The following NCAM2 variants were observed in gnomAD, a reference collection of about 807,000 sequenced individuals.
NCAM2 encodes N-CAM-2.
In NCAM2, 30 loss-of-function variants were observed where a neutral mutation model predicts 98.1. The ratio of observed to expected loss-of-function variants is 0.31; its 90% CI spans 0.23 to 0.41. The LOEUF (loss-of-function observed/expected upper bound fraction) is 0.41. Ranked by LOEUF, NCAM2 falls within the 10% of genes least tolerant of loss-of-function variation. NCAM2 has a pLI of 1.00. For synonymous variants in NCAM2, 368 were observed against 342.4 expected (o/e 1.07, Z -0.83); for missense variants, 867 against 1,005.8 (o/e 0.86, Z 1.87).
At chr21:21,012,390 G>T (rs1419786019) in intron 1 of NCAM2, among the ~76,000 whole-genome samples, 1 of 152,110 alleles carries the variant, frequency 6.6e-6, no homozygotes, top group Admixed American at 6.5e-5. Flanking sequence ...CCGTCAGTCT[G>T]TGGATGACTT....
rs888231824 is a variant in NCAM2 at position 21,054,377 on chromosome 21, C to T, written c.55+55759C>T. On this transcript the variant is annotated intron_variant, in intron 1 of 17. Transcript: ENST00000400546. ...TTCAGTTTGTAAATCTTACTGCTAA[C>T]GTACTCCTGTGGTCTAACAGATCAG... Among the ~76,000 whole-genome samples, 3 of 152,066 alleles carry T rather than the reference C, an allele frequency of 2.0e-5. No individual in the cohort carries two copies. The South Asian group carries it at 6.2e-4, about 31-fold the overall frequency.
At chr21:21,061,225 T>C (rs1456925728) in intron 1 of NCAM2, among the ~76,000 whole-genome samples, 1 of 152,172 alleles carries the variant, frequency 6.6e-6, no homozygotes, top group Non-Finnish European at 1.5e-5. Context: ...GTTAAAGACC[T>C]GTGTTCAATA....
chr21:21,138,295 ACC>A (rs2067100989), intron 1 of NCAM2, among the ~76,000 whole-genome samples: 1 of 152,176 alleles, frequency 6.6e-6, no homozygotes, highest in African/African-American at 2.4e-5. Flanking sequence ...CATTCTGCAA[ACC>A]AGCATTGCAG....
chr21:21,379,359 T>C (rs1602159512), intron 9 of NCAM2, among the ~76,000 whole-genome samples: 1 of 152,120 alleles, frequency 6.6e-6, no homozygotes, highest in Admixed American at 6.6e-5. Context: ...TCTTAGTATA[T>C]GTATTTTAGA....
chr21:21,208,052 A>G (rs193246255), intron 1 of NCAM2, among the ~76,000 whole-genome samples: 1 of 152,308 alleles, frequency 6.6e-6, no homozygotes. Flanking sequence ...TGTTTAATAC[A>G]TTATTAAATT....
intron 9 of NCAM2, among the ~76,000 whole-genome samples, chr21:21,408,850 A>G (rs1178754366): frequency 1.3e-5 from 2 of 151,892 alleles, no homozygotes; most frequent in African/African-American, 4.8e-5. Context: ...TGTCATTAAA[A>G]ACATTCATTA....
chr21:21,357,295 C>T (rs1908906864), intron 8 of NCAM2, among the ~76,000 whole-genome samples: 1 of 152,052 alleles, frequency 6.6e-6, no homozygotes, highest in South Asian at 2.1e-4. Context: ...AAAATATCTC[C>T]TCGTAATTTG....
At chr21:21,489,240 C>T (rs1163544970) in intron 15 of NCAM2, among the ~76,000 whole-genome samples, 1 of 152,206 alleles carries the variant, frequency 6.6e-6, no homozygotes, top group East Asian at 1.9e-4. Context: ...ATTGATCCTC[C>T]TGCTTCAGCC....
At chr21:21,132,569 T>C (rs371199996) in intron 1 of NCAM2, among the ~76,000 whole-genome samples, 1 of 152,204 alleles carries the variant, frequency 6.6e-6, no homozygotes, top group Admixed American at 6.5e-5. Context: ...ACCTCAGTAT[T>C]CTAATTTCAG....
At chr21:20,999,746 T>A (rs1877554026) in intron 1 of NCAM2, among the ~76,000 whole-genome samples, 1 of 152,172 alleles carries the variant, frequency 6.6e-6, no homozygotes, top group Non-Finnish European at 1.5e-5. Flanking sequence ...CTCTTCTGTA[T>A]TGCTCGTTTG....
chr21:21,228,629 A>G (rs1003430484), intron 1 of NCAM2, among the ~76,000 whole-genome samples: 1 of 151,520 alleles, frequency 6.6e-6, no homozygotes, highest in South Asian at 2.1e-4. Context: ...GATACAGTTC[A>G]TGTAAAACTT....
intron 12 of NCAM2, among the ~76,000 whole-genome samples, chr21:21,441,861 C>A (rs1368803996): frequency 6.6e-6 from 1 of 151,838 alleles, no homozygotes; most frequent in South Asian, 2.1e-4. Context: ...AATCAGATGG[C>A]GTAAGGAGAT....
At chr21:21,264,980 T>TTATA (rs370715667) in intron 1 of NCAM2, among the ~76,000 whole-genome samples, 1 of 12,048 alleles carries the variant, frequency 8.3e-5, no homozygotes, top group Non-Finnish European at 1.9e-4. Context: ...CACATATATA[T>TTATA]TATATATGTG....
intron 5 of NCAM2, 103 bp from the exon 6 acceptor site, chr21:21,324,280 T>C: frequency 1.4e-6 from 1 of 734,772 alleles, no homozygotes; most frequent in Non-Finnish European, 2.2e-6. Flanking sequence ...AATGGAGATG[T>C]GAAGGATGAC....
chr21:21,261,007 A>G (rs541208961), intron 1 of NCAM2, among the ~76,000 whole-genome samples: 2 of 152,304 alleles, frequency 1.3e-5, no homozygotes, highest in Admixed American at 1.3e-4. Flanking sequence ...GATTGAAGTA[A>G]AGTTATGTCA....
At chr21:21,361,603 C>G (rs994063715) in intron 8 of NCAM2, among the ~76,000 whole-genome samples, 5 of 152,018 alleles carry the variant, frequency 3.3e-5, no homozygotes, top group Admixed American at 6.6e-5. Flanking sequence ...GTGATTTCAT[C>G]TAGTCTTACG....
chr21:21,173,902 G>T (rs934828089), intron 1 of NCAM2, among the ~76,000 whole-genome samples: 2 of 152,044 alleles, frequency 1.3e-5, no homozygotes, highest in African/African-American at 4.8e-5. Flanking sequence ...TGGCATACAG[G>T]TGTGAAAATT....
intron 1 of NCAM2, among the ~76,000 whole-genome samples, chr21:21,020,784 T>C (rs1002870206): frequency 2.0e-5 from 3 of 152,214 alleles, no homozygotes; most frequent in Non-Finnish European, 4.4e-5. Context: ...ATAGGAACAC[T>C]TTTTAAATAT....
chr21:21,069,179 C>T (rs1195148371), intron 1 of NCAM2, among the ~76,000 whole-genome samples: 5 of 152,198 alleles, frequency 3.3e-5, no homozygotes, highest in East Asian at 3.9e-4. Flanking sequence ...TGTAAAAATT[C>T]GACTGAAGCT....
Sources: allele counts gnomAD v4.1 joint callset (sites outside exome capture counted in the v4.1 genomes callset), GRCh38; gene constraint gnomAD v4.1.1; transcripts MANE v1.5; gene names NCBI Gene and HGNC (gene_info 2026-07-23, HGNC 2026-07-21).